Variants in FKBP6 observed in about 807,000 individuals in gnomAD.
FKBP6 encodes inactive peptidyl-prolyl cis-trans isomerase FKBP6.
FKBP6 carries 29 observed loss-of-function variants against 41.7 expected under a neutral mutation model. That is an observed-to-expected ratio of 0.70 (90% CI 0.52 to 0.95). The LOEUF (loss-of-function observed/expected upper bound fraction) is 0.95, where lower values mean the gene tolerates loss of function less well. FKBP6 is among the 40% of genes least tolerant of loss of function. The pLI, the probability that FKBP6 is intolerant of heterozygous loss-of-function variation, is 0.00. For missense variants in FKBP6, 338 were observed against 408.7 expected (o/e 0.83, Z 1.49); for synonymous variants, 130 against 165.1 (o/e 0.79, Z 1.63).
chr7:73,333,429 CTA>C (rs1310096806), intron 5 of FKBP6, among the ~76,000 whole-genome samples: 12 of 152,198 alleles, frequency 7.9e-5, no homozygotes, highest in African/African-American at 2.9e-4. Context: ...AATTAAAAAA[CTA>C]CATCTTCCCA....
intron 8 of FKBP6, among the ~76,000 whole-genome samples, chr7:73,357,177 C>T (rs782177819): frequency 7.9e-5 from 12 of 151,814 alleles, no homozygotes; most frequent in East Asian, 3.9e-4. Flanking sequence ...AGCTGCTGCT[C>T]GCTCCACCGT....
chr7:73,338,059 C>G (rs10271751), intron 5 of FKBP6, among the ~76,000 whole-genome samples: 1 of 151,926 alleles, frequency 6.6e-6, no homozygotes. Flanking sequence ...AGACAGAGTC[C>G]CTGTTGCCCA....
intron 8 of FKBP6, among the ~76,000 whole-genome samples, chr7:73,344,294 G>A (rs1364500679): frequency 4.6e-5 from 7 of 152,208 alleles, no homozygotes; most frequent in Middle Eastern, 6.3e-3. Flanking sequence ...AGTTTTCCTC[G>A]CCATCATGTT....
intron 6 of FKBP6, 40 bp downstream of exon 6, chr7:73,340,872 A>G: frequency 7.0e-7 from 1 of 1,432,286 alleles, no homozygotes; most frequent in Non-Finnish European, 9.8e-7. Context: ...AACACCCAGG[A>G]AAAGGTAGTA....
intron 8 of FKBP6, among the ~76,000 whole-genome samples, chr7:73,344,022 T>C (rs1334054182): frequency 3.3e-5 from 5 of 152,248 alleles, no homozygotes; most frequent in Non-Finnish European, 5.9e-5. Context: ...AATGTTGCCT[T>C]CGTCACTGAT....
chr7:73,337,077 C>A, intron 5 of FKBP6: 2 of 320,206 alleles, frequency 6.2e-6, no homozygotes, highest in South Asian at 5.1e-5. Flanking sequence ...CTGTTTCCAG[C>A]TGACAACTTG....
chr7:73,334,210 A>G (rs1438438183), intron 5 of FKBP6, among the ~76,000 whole-genome samples: 1 of 152,130 alleles, frequency 6.6e-6, no homozygotes, highest in Non-Finnish European at 1.5e-5. Flanking sequence ...TTTCCCCGGC[A>G]TTCCTAAATT....
intron 6 of FKBP6, among the ~76,000 whole-genome samples, chr7:73,341,070 T>C (rs1805167145): frequency 6.6e-6 from 1 of 152,004 alleles, no homozygotes; most frequent in Non-Finnish European, 1.5e-5. Context: ...ATTACAGGCA[T>C]GCGCCATCAC....
intron 7 of FKBP6, 22 bp from the exon 8 acceptor site, chr7:73,342,785 A>G (rs55704260): frequency 0.98 from 1,511,374 of 1,542,814 alleles, 740,341 homozygotes; most frequent in East Asian, 1. Context: ...CTCCTCTAAC[A>G]AGTGTGTATT....
rs782285165 is a variant in FKBP6, at chr7:73,328,618, G to A, written c.101G>A (p.Gly34Glu). The A allele has an allele frequency of 2.6e-5, 42 of 1,610,678 alleles. No individual in the cohort carries two copies. Among genetic ancestry groups the A allele is most frequent in the Middle Eastern group, 4.5e-4 (2 of 4,452 alleles). The change falls in exon 2 of 9, where the codon GGG becomes GAG. Residue 34 changes from glycine to glutamate, a missense_variant. Transcript: ENST00000252037. ...AGTCAGAGGATGCTGGACATCTCGG[G>A]GGACCGGGGCGTGCTGAAGGACGTC... ...RLSQRMLDISGDRGVLKDVIR... is the reference protein window; with the variant it reads ...RLSQRMLDISEDRGVLKDVIR...
chr7:73,328,202 C>T lies in FKBP6; in HGVS notation c.-227C>T. The T allele has an allele frequency of 9.0e-6, 14 of 1,548,542 alleles. No homozygotes were observed. The highest frequency in any genetic ancestry group is 5.9e-5 in the Admixed American group (3 of 50,998). On this transcript the variant is annotated 5_prime_UTR_variant, in exon 1 of 9. Coordinates refer to ENST00000252037, the MANE Select transcript of FKBP6 (RefSeq NM_003602.5). ...TCCCATTACGGATCATACCTCGCAC[C>T]TCACCGCGTGGCCTCTGTAGTTCCA...
chr7:73,335,567 A>T (rs1804980569), intron 5 of FKBP6, among the ~76,000 whole-genome samples: 1 of 152,098 alleles, frequency 6.6e-6, no homozygotes, highest in South Asian at 2.1e-4. Flanking sequence ...CCATTTTCCC[A>T]GAAAGGAGAC....
intron 8 of FKBP6, among the ~76,000 whole-genome samples, chr7:73,344,641 A>G (rs1239380686): frequency 6.6e-6 from 1 of 151,782 alleles, no homozygotes; most frequent in Non-Finnish European, 1.5e-5. Flanking sequence ...CTGGAGTGCA[A>G]TGGCACAATC....
Position 73,328,688 on chromosome 7 carries a change from G to A in FKBP6, c.171G>A (p.Val57=). ...ACCTAGTGGCGCCTGATGCTTCGGTGCTAGGTACGCCCTGGGGCGGTTTGT... is the reference window on the plus strand; with the variant it reads ...ACCTAGTGGCGCCTGATGCTTCGGTACTAGGTACGCCCTGGGGCGGTTTGT... ...AGDLVAPDAS[V]LVKYSGYLEH... The change falls in exon 2 of 9, where the codon GTG becomes GTA. Residue 57 remains valine, a synonymous_variant. Coordinates refer to ENST00000252037, the MANE Select transcript of FKBP6 (RefSeq NM_003602.5). The A allele has an allele frequency of 6.2e-7, 1 of 1,612,006 alleles. No homozygotes were observed. The highest frequency in any genetic ancestry group is 1.1e-5 in the South Asian group (1 of 90,976).
At chr7:73,343,498 A>G (rs1288163727) in intron 8 of FKBP6, among the ~76,000 whole-genome samples, 6 of 152,068 alleles carry the variant, frequency 3.9e-5, no homozygotes, top group Non-Finnish European at 7.3e-5. Context: ...CTCCAACTTG[A>G]CTGTGTCTCT....
Position 73,328,589 on chromosome 7 carries a change from G to A in FKBP6, c.72G>A (p.Arg24=). 1.2e-6 allele frequency: 2 copies of A among 1,605,846 alleles called. No homozygotes were observed. The highest frequency in any genetic ancestry group is 1.7e-6 in the Non-Finnish European group (2 of 1,174,864). ...DDAPGQSLYE[R]LSQRMLDISG... ...TTCTCCATCAGTCCCTGTACGAGCGGTTAAGTCAGAGGATGCTGGACATCT... is the reference window on the plus strand; with the variant it reads ...TTCTCCATCAGTCCCTGTACGAGCGATTAAGTCAGAGGATGCTGGACATCT... Residue 24 remains arginine (R), a synonymous_variant, in exon 2 of 9, where the codon CGG becomes CGA. Coordinates refer to ENST00000252037, the MANE Select transcript of FKBP6 (RefSeq NM_003602.5).
In FKBP6 at chr7:73,328,690, T is replaced by A. The variant is rs781796844; in HGVS notation, c.173T>A (p.Leu58Gln). The change falls in exon 2 of 9, where the codon CTA becomes CAA. Residue 58 changes from leucine to glutamine, a missense_variant and splice_region_variant. Physicochemically the swap from Leu to Gln is moderately radical, Grantham distance 113. Around this residue, in one of 2 missense-constraint regions of FKBP6, gnomAD observed 99 missense variants for 158.6 expected, o/e 0.62. Coordinates refer to ENST00000252037, the MANE Select transcript of FKBP6 (RefSeq NM_003602.5). ...GDLVAPDASV[L>Q]VKYSGYLEHM... The stretch of plus-strand genomic sequence containing the variant: ...CTAGTGGCGCCTGATGCTTCGGTGC[T>A]AGGTACGCCCTGGGGCGGTTTGTCC... 5.0e-6 allele frequency: 8 copies of A among 1,611,782 alleles called. No individual in the cohort carries two copies. The Admixed American group carries it at 1.3e-4, about 27-fold the overall frequency.
At chr7:73,338,620 C>G (rs546046187) in intron 5 of FKBP6, among the ~76,000 whole-genome samples, 2 of 152,356 alleles carry the variant, frequency 1.3e-5, no homozygotes, top group African/African-American at 4.8e-5. Context: ...TCCAATTTCT[C>G]CACATCTTCA....
intron 5 of FKBP6, among the ~76,000 whole-genome samples, chr7:73,334,996 G>A (rs1017261293): frequency 3.9e-5 from 6 of 152,174 alleles, no homozygotes; most frequent in Admixed American, 6.5e-5. Context: ...CTGAAGGCAT[G>A]TACAGCTCTG....
Sources: allele counts gnomAD v4.1 joint callset (sites outside exome capture counted in the v4.1 genomes callset), GRCh38; gene constraint gnomAD v4.1.1; regional missense constraint gnomAD v4.1.1; transcripts MANE v1.5; gene names NCBI Gene and HGNC (gene_info 2026-07-23, HGNC 2026-07-21).